The following CCDC91 variants were observed in gnomAD, a reference collection of about 807,000 sequenced individuals.
The protein encoded by CCDC91 is coiled-coil domain-containing protein 91.
Under a neutral mutation model 63.2 loss-of-function variants are expected in CCDC91, and 48 were observed. That is an observed-to-expected ratio of 0.76 (90% CI 0.60 to 0.97). The LOEUF (loss-of-function observed/expected upper bound fraction) is 0.97. CCDC91 is among the 50% of genes least tolerant of loss of function. The pLI, the probability that CCDC91 is intolerant of heterozygous loss-of-function variation, is 0.00. For missense variants in CCDC91, 500 were observed against 494.6 expected (o/e 1.01, Z -0.10); for synonymous variants, 167 against 165.8 (o/e 1.01, Z -0.06).
intron 7 of CCDC91, among the ~76,000 whole-genome samples, chr12:28,375,187 G>T (rs1944869247): frequency 1.3e-5 from 2 of 151,740 alleles, no homozygotes; most frequent in Non-Finnish European, 2.9e-5. Flanking sequence ...ATAAACCATG[G>T]AACCTATTCA....
rs1191728590 is a variant in CCDC91 at position 28,363,947 on chromosome 12, G to A, written c.654+1432G>A. ...AAAAGTAGGAAAAAAAGTAGATCCA[G>A]AATTAAGTGAAAAGTGTTTTTTTTT... On this transcript the variant is annotated intron_variant, in intron 7 of 12. Transcript: ENST00000536442. 2.8e-5 allele frequency among the ~76,000 whole-genome samples: 4 copies of A among 141,156 alleles called. No homozygotes were observed. In the East Asian group the frequency reaches 6.6e-4, roughly 23 times the overall value. 92.6% of individuals were successfully genotyped at this position (141,156 alleles called of 152,430 possible).
intron 1 of CCDC91, among the ~76,000 whole-genome samples, chr12:28,238,764 C>T (rs1413105063): frequency 2.6e-5 from 4 of 152,046 alleles, no homozygotes; most frequent in Admixed American, 2.6e-4. Flanking sequence ...CAGATATGCA[C>T]CAGTAAACTT....
chr12:28,393,160 G>C (rs1946055166), intron 8 of CCDC91, among the ~76,000 whole-genome samples: 2 of 151,836 alleles, frequency 1.3e-5, no homozygotes, highest in South Asian at 4.2e-4. Context: ...CAGTATCTTT[G>C]TTTACTATAT....
chr12:28,497,409 T>G (rs1170913243), intron 12 of CCDC91, among the ~76,000 whole-genome samples: 1 of 151,628 alleles, frequency 6.6e-6, no homozygotes, highest in African/African-American at 2.4e-5. Flanking sequence ...TTGTAATAAG[T>G]ATACAGGTTT....
intron 8 of CCDC91, among the ~76,000 whole-genome samples, chr12:28,407,805 T>C (rs1947047004): frequency 6.6e-6 from 1 of 152,100 alleles, no homozygotes; most frequent in African/African-American, 2.4e-5. Flanking sequence ...GTTTACTACA[T>C]CTTTTGCTAG....
At chr12:28,297,242 A>G (rs1382209188) in intron 3 of CCDC91, among the ~76,000 whole-genome samples, 1 of 151,878 alleles carries the variant, frequency 6.6e-6, no homozygotes, top group Non-Finnish European at 1.5e-5. Flanking sequence ...AATTAATAAG[A>G]GTTATTATGT....
intron 8 of CCDC91, among the ~76,000 whole-genome samples, chr12:28,399,319 C>T (rs758050655): frequency 1.3e-5 from 2 of 152,126 alleles, no homozygotes; most frequent in African/African-American, 4.8e-5. Context: ...CTTGTGAGAA[C>T]TCAACTATCA....
At chr12:28,405,537 C>T (rs1946883257) in intron 8 of CCDC91, among the ~76,000 whole-genome samples, 1 of 152,170 alleles carries the variant, frequency 6.6e-6, no homozygotes, top group Non-Finnish European at 1.5e-5. Context: ...CTCTAAAGCT[C>T]TACTTTTTCT....
At chr12:28,207,868 A>C (rs763474465) in intron 1 of CCDC91, among the ~76,000 whole-genome samples, 1 of 152,200 alleles carries the variant, frequency 6.6e-6, no homozygotes, top group South Asian at 2.1e-4. Flanking sequence ...TGATTCTCCA[A>C]ATTAGGTGCA....
intron 7 of CCDC91, among the ~76,000 whole-genome samples, chr12:28,375,146 T>C (rs1944865964): frequency 6.6e-6 from 1 of 151,862 alleles, no homozygotes; most frequent in African/African-American, 2.4e-5. Flanking sequence ...TTTTTTAAAC[T>C]ATTTTAGTTT....
At chr12:28,244,171 A>G (rs1945546978) in intron 1 of CCDC91, among the ~76,000 whole-genome samples, 1 of 152,232 alleles carries the variant, frequency 6.6e-6, no homozygotes, top group Non-Finnish European at 1.5e-5. Context: ...GAAAAACTGT[A>G]TAATTAAAAT....
intron 1 of CCDC91, among the ~76,000 whole-genome samples, chr12:28,193,718 T>C (rs1565585731): frequency 6.6e-6 from 1 of 152,146 alleles, no homozygotes; most frequent in African/African-American, 2.4e-5. Flanking sequence ...TGGTCAGCAC[T>C]TGTCATTTTA....
intron 8 of CCDC91, among the ~76,000 whole-genome samples, chr12:28,406,436 A>G (rs948419395): frequency 1.2e-4 from 19 of 152,170 alleles, no homozygotes; most frequent in African/African-American, 4.1e-4. Flanking sequence ...ATGGTAAAGT[A>G]TATGTAAAAT....
At chr12:28,522,193 A>G (rs577653687) in intron 12 of CCDC91, among the ~76,000 whole-genome samples, 1 of 152,122 alleles carries the variant, frequency 6.6e-6, no homozygotes, top group Non-Finnish European at 1.5e-5. Flanking sequence ...CTGTGAATCC[A>G]TCTGGTCCTG....
intron 8 of CCDC91, among the ~76,000 whole-genome samples, chr12:28,425,712 T>C (rs1259419892): frequency 1.3e-5 from 2 of 152,220 alleles, no homozygotes; most frequent in Non-Finnish European, 2.9e-5. Flanking sequence ...GAGCTCCTGC[T>C]AATACTTAAG....
At chr12:28,515,083 C>G (rs1239908639) in intron 12 of CCDC91, among the ~76,000 whole-genome samples, 1 of 151,716 alleles carries the variant, frequency 6.6e-6, no homozygotes, top group Non-Finnish European at 1.5e-5. Context: ...AAATACTCTA[C>G]CCAAACTCCT....
intron 1 of CCDC91, among the ~76,000 whole-genome samples, chr12:28,249,461 A>T (rs1042351107): frequency 1.2e-4 from 18 of 152,196 alleles, no homozygotes; most frequent in African/African-American, 4.1e-4. Flanking sequence ...GGTCTCCCAC[A>T]GGTTTTCTTC....
intron 1 of CCDC91, among the ~76,000 whole-genome samples, chr12:28,191,494 G>C (rs188393122): frequency 3.6e-4 from 55 of 152,272 alleles, no homozygotes; most frequent in African/African-American, 1.3e-3. Context: ...CAGCTGTGCG[G>C]ATACTGATGC....
chr12:28,502,843 T>TTTA (rs1938126779), intron 12 of CCDC91, among the ~76,000 whole-genome samples: 3 of 145,478 alleles, frequency 2.1e-5, no homozygotes, highest in African/African-American at 7.6e-5. Flanking sequence ...AAGGATTCCA[T>TTTA]ATTTAATAAA....
Sources: gnomAD v4.1 joint callset for allele counts (sites outside exome capture counted in the v4.1 genomes callset) on GRCh38, gnomAD v4.1.1 for gene constraint, MANE v1.5 for transcripts, NCBI Gene and HGNC (gene_info 2026-07-23, HGNC 2026-07-21) for gene names.